PCDH11X: variants seen among roughly 807,000 people sequenced by gnomAD.
PCDH11X encodes protocadherin 11 X-linked.
In PCDH11X, 18 loss-of-function variants were observed where a neutral mutation model predicts 53.3. The ratio of observed to expected loss-of-function variants is 0.34; its 90% CI spans 0.23 to 0.50. The LOEUF (loss-of-function observed/expected upper bound fraction) is 0.50. PCDH11X is among the 20% of genes least tolerant of loss of function. The pLI, the probability that PCDH11X is intolerant of heterozygous loss-of-function variation, is 0.98. For synonymous variants in PCDH11X, 279 were observed against 393.3 expected (o/e 0.71, Z 3.44); for missense variants, 570 against 1,032.4 (o/e 0.55, Z 6.14).
intron 6 of PCDH11X, among the ~76,000 whole-genome samples, chrX:92,091,866 T>C (rs1430297405): frequency 9.0e-6 from 1 of 111,214 alleles, no homozygotes; most frequent in African/African-American, 3.3e-5. Flanking sequence ...AAAGAGTGCC[T>C]GGCTCTTAGT....
At chrX:92,613,547 G>GT (rs1406090098) in intron 10 of PCDH11X, among the ~76,000 whole-genome samples, 576 of 50,774 alleles carry the variant, frequency 0.011, 4 homozygotes, top group African/African-American at 0.064. Flanking sequence ...TGTTGTTGTT[G>GT]TGTGTGTGTG....
chrX:91,843,719 T>C (rs1028984376), intron 5 of PCDH11X, among the ~76,000 whole-genome samples: 15 of 110,594 alleles, frequency 1.4e-4, no homozygotes, highest in African/African-American at 5.0e-4. Flanking sequence ...AGTTAAAATT[T>C]TATATCTATT....
At chrX:92,295,254 A>G (rs1461481738) in intron 8 of PCDH11X, among the ~76,000 whole-genome samples, 3 of 110,845 alleles carry the variant, frequency 2.7e-5, no homozygotes, top group East Asian at 5.8e-4. Flanking sequence ...AAAGTTAAGT[A>G]TATGTGTTAT....
chrX:92,430,862 G>A (rs1408598317), intron 9 of PCDH11X, among the ~76,000 whole-genome samples: 2 of 108,183 alleles, frequency 1.8e-5, no homozygotes, highest in African/African-American at 6.7e-5. Flanking sequence ...ATGCATGGTA[G>A]CATATGTTTT....
intron 7 of PCDH11X, among the ~76,000 whole-genome samples, chrX:92,250,974 A>G (rs1245016487): frequency 9.0e-6 from 1 of 110,991 alleles, no homozygotes; most frequent in Non-Finnish European, 1.9e-5. Context: ...CTGAATTGAC[A>G]CTTTAAGTAG....
intron 8 of PCDH11X, among the ~76,000 whole-genome samples, chrX:92,368,347 G>A (rs1490513643): frequency 9.0e-6 from 1 of 111,358 alleles, no homozygotes; most frequent in Non-Finnish European, 1.9e-5. Flanking sequence ...GCTCCATAAC[G>A]TCATTTATGT....
chrX:92,576,668 C>CA (rs1195587655), intron 10 of PCDH11X, among the ~76,000 whole-genome samples: 2 of 110,261 alleles, frequency 1.8e-5, no homozygotes, highest in Non-Finnish European at 3.8e-5. Flanking sequence ...TTTGCATAAA[C>CA]AAAAAAAGCA....
chrX:92,048,558 CA>C (rs2063325531), intron 6 of PCDH11X, among the ~76,000 whole-genome samples: 3 of 110,754 alleles, frequency 2.7e-5, no homozygotes, highest in Middle Eastern at 4.6e-3. Context: ...AGCTACTTAT[CA>C]AAAGAAGCTA....
intron 6 of PCDH11X, among the ~76,000 whole-genome samples, chrX:91,936,407 G>A (rs1464754697): frequency 9.2e-6 from 1 of 109,237 alleles, no homozygotes; most frequent in Non-Finnish European, 1.9e-5. Flanking sequence ...TTAACATTTA[G>A]CTAATGTATA....
chrX:92,303,449 A>T (rs1278256325), intron 8 of PCDH11X, among the ~76,000 whole-genome samples: 1 of 111,431 alleles, frequency 9.0e-6, no homozygotes, highest in African/African-American at 3.3e-5. Flanking sequence ...TCCTTCTCTA[A>T]GATGATTATT....
intron 5 of PCDH11X, among the ~76,000 whole-genome samples, chrX:91,864,270 A>G (rs1329154350): frequency 9.3e-6 from 1 of 107,192 alleles, no homozygotes; most frequent in African/African-American, 3.4e-5. Flanking sequence ...TACTATTTTA[A>G]GGTAAAAGTT....
intron 8 of PCDH11X, among the ~76,000 whole-genome samples, chrX:92,279,806 C>T (rs1016758755): frequency 8.9e-6 from 1 of 111,947 alleles, no homozygotes; most frequent in African/African-American, 3.2e-5. Context: ...GACATTTCAA[C>T]TTAATTAACT....
chrX:91,880,925 AAC>A (rs1396257164), intron 6 of PCDH11X, among the ~76,000 whole-genome samples: 1 of 109,892 alleles, frequency 9.1e-6, no homozygotes, highest in Non-Finnish European at 1.9e-5. Context: ...TTTTATGACT[AAC>A]ACTACATGAT....
intron 8 of PCDH11X, among the ~76,000 whole-genome samples, chrX:92,339,262 A>G (rs2069693855): frequency 8.9e-6 from 1 of 112,285 alleles, no homozygotes; most frequent in African/African-American, 3.2e-5. Context: ...GTATACACAA[A>G]TTAAATAAAG....
At chrX:92,505,188 G>T (rs2074033932) in intron 10 of PCDH11X, among the ~76,000 whole-genome samples, 2 of 53,603 alleles carry the variant, frequency 3.7e-5, no homozygotes, top group East Asian at 5.2e-4. Flanking sequence ...CTGTGCAGAT[G>T]CACTTTAGTT....
At chrX:92,055,341 A>ATTTAT (rs2063433487) in intron 6 of PCDH11X, among the ~76,000 whole-genome samples, 1 of 63,746 alleles carries the variant, frequency 1.6e-5, no homozygotes, top group Admixed American at 2.1e-4. Flanking sequence ...CATTCGATTT[A>ATTTAT]TAATTGTATT....
chrX:92,274,471 C>T lies in PCDH11X; in HGVS notation c.3144+11328C>T, dbSNP rs781205073. 1.5e-4 allele frequency among the ~76,000 whole-genome samples: 17 copies of T among 110,783 alleles called. No individual in the cohort carries two copies. In the South Asian group the frequency reaches 5.4e-3, roughly 35 times the overall value. On this transcript the variant is annotated intron_variant, in intron 8 of 10. Transcript: ENST00000682573. The stretch of plus-strand genomic sequence containing the variant: ...TCTGACAGAACGGAAGAAATGACTG[C>T]GGTGGCCTTCTCAGACCCTGTAGGA...
chrX:92,408,119 G>A (rs936401208), intron 9 of PCDH11X, among the ~76,000 whole-genome samples: 4 of 110,832 alleles, frequency 3.6e-5, no homozygotes, highest in African/African-American at 1.3e-4. Context: ...TCCTGACCTT[G>A]TGATCCATCC....
intron 9 of PCDH11X, among the ~76,000 whole-genome samples, chrX:92,396,179 C>T (rs1000025593): frequency 3.7e-5 from 4 of 109,018 alleles, no homozygotes; most frequent in African/African-American, 1.3e-4. Context: ...ACTTCCAGAA[C>T]AACTTGGAAT....
Sources: allele counts gnomAD v4.1 joint callset (sites outside exome capture counted in the v4.1 genomes callset), GRCh38; gene constraint gnomAD v4.1.1; transcripts MANE v1.5; gene names NCBI Gene and HGNC (gene_info 2026-07-23, HGNC 2026-07-21).